The following CNTN5 variants were observed in gnomAD, a reference collection of about 807,000 sequenced individuals.
The protein encoded by CNTN5 is contactin-5.
A neutral mutation model predicts 129.1 loss-of-function variants in CNTN5; 77 were observed. The ratio of observed to expected loss-of-function variants is 0.60; its 90% CI spans 0.50 to 0.72. The LOEUF (loss-of-function observed/expected upper bound fraction) is 0.72. CNTN5 is among the 30% of genes least tolerant of loss of function. CNTN5 has a pLI of 0.00. For synonymous variants in CNTN5, 509 were observed against 465.6 expected, an observed-to-expected ratio of 1.09 and a Z score of -1.20; for missense variants, 1,478 against 1,328.8, an observed-to-expected ratio of 1.11 and a Z score of -1.75.
chr11:100,003,301 C>G (rs1320819607), intron 9 of CNTN5, among the ~76,000 whole-genome samples: 1 of 152,076 alleles, frequency 6.6e-6, no homozygotes, highest in South Asian at 2.1e-4. Flanking sequence ...GGGCAGATAT[C>G]TGAGGAAGCC....
chr11:99,231,749 G>A lies in CNTN5; in HGVS notation c.-209-93597G>A, dbSNP rs143525575. Among the ~76,000 whole-genome samples the A allele has an allele frequency of 2.2e-4, 33 of 152,060 alleles. No individual in the cohort carries two copies. In the East Asian group the frequency reaches 3.3e-3, roughly 15 times the overall value. ...GTGCCTATGTCCTGATTAGTATTGC[G>A]TAGATTTTCTTCTAGGGTTTATATA... On this transcript the variant is annotated intron_variant, in intron 1 of 24. Coordinates refer to ENST00000524871, the MANE Select transcript of CNTN5 (RefSeq NM_014361.4).
chr11:99,695,354 C>T (rs965649024), intron 3 of CNTN5, among the ~76,000 whole-genome samples: 1 of 151,848 alleles, frequency 6.6e-6, no homozygotes, highest in Non-Finnish European at 1.5e-5. Context: ...ATGTTTTGTA[C>T]AGTGTGTATA....
At chr11:99,172,478 T>A (rs1454706319) in intron 1 of CNTN5, among the ~76,000 whole-genome samples, 1 of 152,190 alleles carries the variant, frequency 6.6e-6, no homozygotes, top group East Asian at 1.9e-4. Flanking sequence ...TTGAGACATC[T>A]GTGGAATAAT....
chr11:100,015,794 T>A (rs930011179), intron 9 of CNTN5, among the ~76,000 whole-genome samples: 12 of 152,154 alleles, frequency 7.9e-5, no homozygotes, highest in South Asian at 2.1e-4. Context: ...AGGCTTTTTT[T>A]AAAATTAATT....
chr11:99,646,914 T>A (rs1342810470), intron 3 of CNTN5, among the ~76,000 whole-genome samples: 1 of 152,098 alleles, frequency 6.6e-6, no homozygotes, highest in Admixed American at 6.5e-5. Context: ...ATGTTTGTGT[T>A]CCTTACATAT....
chr11:99,969,891 C>T (rs998719639), intron 8 of CNTN5, among the ~76,000 whole-genome samples: 9 of 152,120 alleles, frequency 5.9e-5, no homozygotes, highest in Non-Finnish European at 1.2e-4. Context: ...CAAAACTCCA[C>T]TCCTCACCCC....
chr11:99,489,320 C>T (rs1945942883), intron 2 of CNTN5, among the ~76,000 whole-genome samples: 1 of 152,104 alleles, frequency 6.6e-6, no homozygotes, highest in Non-Finnish European at 1.5e-5. Context: ...CCTTCAAATG[C>T]AATAGAGCGT....
chr11:100,180,270 T>C (rs976717523), intron 13 of CNTN5, among the ~76,000 whole-genome samples: 2 of 151,960 alleles, frequency 1.3e-5, no homozygotes, highest in African/African-American at 4.8e-5. Context: ...AATAGACACA[T>C]AGGTTAACAG....
intron 10 of CNTN5, among the ~76,000 whole-genome samples, chr11:100,069,409 C>T (rs1943818977): frequency 6.6e-6 from 1 of 151,972 alleles, no homozygotes; most frequent in Non-Finnish European, 1.5e-5. Flanking sequence ...TCTGCCTTGG[C>T]CTCTCAAATT....
chr11:100,074,123 T>TAACA, intron 12 of CNTN5, 21 bp from the exon 13 acceptor site: 2 of 1,601,636 alleles, frequency 1.2e-6, no homozygotes, highest in South Asian at 2.2e-5. Context: ...TGGTAGAAAC[T>TAACA]AACATTTGCT....
At chr11:99,742,849 G>A (rs942180789) in intron 3 of CNTN5, among the ~76,000 whole-genome samples, 3 of 152,052 alleles carry the variant, frequency 2.0e-5, no homozygotes, top group Admixed American at 6.6e-5. Flanking sequence ...GATATGTTGG[G>A]CATACTTCCA....
At chr11:99,103,933 G>T (rs1036348366) in intron 1 of CNTN5, among the ~76,000 whole-genome samples, 3 of 152,256 alleles carry the variant, frequency 2.0e-5, no homozygotes, top group Middle Eastern at 6.8e-3. Context: ...AAAACACTGT[G>T]GCTTGGCTGA....
chr11:99,206,003 G>C (rs1428517638), intron 1 of CNTN5, among the ~76,000 whole-genome samples: 2 of 152,022 alleles, frequency 1.3e-5, no homozygotes, highest in Non-Finnish European at 2.9e-5. Context: ...CTCTGTGAGG[G>C]CAAAGTGGCT....
chr11:99,573,712 C>G (rs568209329), intron 3 of CNTN5, among the ~76,000 whole-genome samples: 2 of 152,016 alleles, frequency 1.3e-5, no homozygotes, highest in Non-Finnish European at 2.9e-5. Context: ...TCACTGCAAC[C>G]TCTGCCTCCT....
At chr11:99,152,992 T>A (rs946854644) in intron 1 of CNTN5, among the ~76,000 whole-genome samples, 2 of 152,212 alleles carry the variant, frequency 1.3e-5, no homozygotes, top group Admixed American at 1.3e-4. Flanking sequence ...TGGCTAGTAG[T>A]GTTTCTGCTG....
chr11:99,910,409 A>C (rs1487349874), intron 6 of CNTN5, among the ~76,000 whole-genome samples: 1 of 152,236 alleles, frequency 6.6e-6, no homozygotes, highest in Middle Eastern at 3.4e-3. Context: ...ATGACTATGT[A>C]TTAGAGAATG....
Position 99,956,986 on chromosome 11 carries a change from C to G in CNTN5, c.854C>G (p.Thr285Arg). 2 of 1,613,686 alleles carry G rather than the reference C, an allele frequency of 1.2e-6. No individual in the cohort carries two copies. Among genetic ancestry groups the G allele is most frequent in the Non-Finnish European group, 1.7e-6 (2 of 1,179,748 alleles). Reference protein sequence around the residue: ...VTNARVLSPPTPLTLRNDGVM... With the variant: ...VTNARVLSPPRPLTLRNDGVM... ...AATGCTAGAGTCCTTAGTCCTCCAA[C>G]GCCACTCACTCTGCGTAATGATGGT... Residue 285 changes from threonine to arginine, a missense_variant, in exon 8 of 25, where the codon ACG becomes AGG. By Grantham distance (71) the Thr-to-Arg change is moderately conservative. Transcript: ENST00000524871.
chr11:100,160,772 T>G (rs1023087249), intron 13 of CNTN5, among the ~76,000 whole-genome samples: 5 of 151,924 alleles, frequency 3.3e-5, no homozygotes, highest in African/African-American at 1.2e-4. Flanking sequence ...TGCTGCGCAC[T>G]TAATATTCAT....
At chr11:100,290,219 C>G (rs1340943956) in intron 18 of CNTN5, among the ~76,000 whole-genome samples, 1 of 151,576 alleles carries the variant, frequency 6.6e-6, no homozygotes. Flanking sequence ...CCCCATCAAG[C>G]TACCAATGCC....
Sources: allele counts gnomAD v4.1 joint callset (sites outside exome capture counted in the v4.1 genomes callset), GRCh38; gene constraint gnomAD v4.1.1; transcripts MANE v1.5; gene names NCBI Gene and HGNC (gene_info 2026-07-23, HGNC 2026-07-21).